Variants in TAFA2 observed in about 807,000 individuals in gnomAD.
The protein encoded by TAFA2 is chemokine-like protein TAFA-2.
In TAFA2, 7 loss-of-function variants were observed where a neutral mutation model predicts 18.8. That is an observed-to-expected ratio of 0.37 (90% CI 0.21 to 0.70). The LOEUF (loss-of-function observed/expected upper bound fraction) is 0.70, where lower values mean the gene tolerates loss of function less well. Ranked by LOEUF, TAFA2 falls within the 30% of genes least tolerant of loss-of-function variation. TAFA2 has a pLI of 0.53. For missense variants in TAFA2, 122 were observed against 158.1 expected (o/e 0.77, Z 1.23); for synonymous variants, 60 against 54.2 (o/e 1.11, Z -0.47).
chr12:61,743,475 C>A (rs922613503), intron 4 of TAFA2, among the ~76,000 whole-genome samples: 17 of 152,014 alleles, frequency 1.1e-4, no homozygotes, highest in African/African-American at 4.1e-4. Context: ...TGCTTTAATT[C>A]CCTGAGGTAA....
chr12:62,188,068 A>G (rs1402609256), intron 1 of TAFA2, among the ~76,000 whole-genome samples: 1 of 152,198 alleles, frequency 6.6e-6, no homozygotes, highest in African/African-American at 2.4e-5. Flanking sequence ...AAGTTGATGC[A>G]GCTGGTTTGG....
In TAFA2 at chr12:62,192,373, C is replaced by T. The variant is rs1268007812; in HGVS notation, c.-1116G>A. Reference sequence around the variant, plus strand: ...AAGCGAGCAGGTGTCGCCTGTGTCACTTTGCTAAAGGCGGGAGGGGAGAAA... The same window carrying T: ...AAGCGAGCAGGTGTCGCCTGTGTCATTTTGCTAAAGGCGGGAGGGGAGAAA... On this transcript the variant is annotated 5_prime_UTR_variant, in exon 1 of 5. In the 5' UTR this introduces an upstream ATG that the reference lacks. Coordinates refer to ENST00000416284, the MANE Select transcript of TAFA2 (RefSeq NM_178539.5). The T allele has an allele frequency of 6.6e-6, 1 of 152,114 alleles. No homozygotes were observed. 9.4% of individuals were successfully genotyped at this position (152,114 alleles called of 1,614,324 possible).
chr12:61,918,013 AT>A lies in TAFA2; in HGVS notation c.-1-50588del, dbSNP rs201629675. On this transcript the variant is annotated intron_variant, in intron 1 of 4. Transcript: ENST00000416284. ...TTGGGTATAAGAACCATGCTTATTT[AT>A]TTTTTTTTTCATTTGTCTGGGTACA... Among the ~76,000 whole-genome samples the A allele has an allele frequency of 3.2e-4, 48 of 148,738 alleles. No homozygotes were observed. In the South Asian group the frequency reaches 6.4e-3, roughly 20 times the overall value.
intron 1 of TAFA2, among the ~76,000 whole-genome samples, chr12:61,913,778 A>G (rs1265484983): frequency 6.6e-6 from 1 of 152,204 alleles, no homozygotes; most frequent in African/African-American, 2.4e-5. Context: ...CAAGAAGAAC[A>G]TATGCTTCAA....
At chr12:62,101,061 C>A (rs146138846) in intron 1 of TAFA2, among the ~76,000 whole-genome samples, 8 of 152,194 alleles carry the variant, frequency 5.3e-5, no homozygotes, top group Non-Finnish European at 1.0e-4. Flanking sequence ...TACACAAGCA[C>A]TCAGAATGCA....
At chr12:62,219,068 T>C (rs960325586) in intron 1 of TAFA2, among the ~76,000 whole-genome samples, 2 of 152,032 alleles carry the variant, frequency 1.3e-5, no homozygotes, top group African/African-American at 4.8e-5. Context: ...AGGGAGAATA[T>C]AGCAAAAGAA....
chr12:61,882,639 A>C (rs1457421549), intron 1 of TAFA2, among the ~76,000 whole-genome samples: 1 of 152,158 alleles, frequency 6.6e-6, no homozygotes, highest in African/African-American at 2.4e-5. Flanking sequence ...ATCGTCTTTC[A>C]AATGTCAAAT....
At chr12:62,029,700 G>T (rs2136743381) in intron 1 of TAFA2, among the ~76,000 whole-genome samples, 1 of 152,178 alleles carries the variant, frequency 6.6e-6, no homozygotes, top group Middle Eastern at 3.4e-3. Context: ...CACCTCATTA[G>T]TTAAGTACAG....
chr12:62,007,018 C>A (rs1381846136), intron 1 of TAFA2, among the ~76,000 whole-genome samples: 1 of 152,128 alleles, frequency 6.6e-6, no homozygotes, highest in African/African-American at 2.4e-5. Context: ...GCCTGTGAAG[C>A]ATGATTGAAG....
At chr12:62,189,244 C>T (rs2062606134) in intron 1 of TAFA2, among the ~76,000 whole-genome samples, 1 of 152,156 alleles carries the variant, frequency 6.6e-6, no homozygotes, top group Non-Finnish European at 1.5e-5. Context: ...CCATTTGCCT[C>T]TTAAAAGATT....
chr12:62,143,599 T>C (rs11612077), intron 1 of TAFA2, among the ~76,000 whole-genome samples: 18,497 of 152,160 alleles, frequency 0.12, 1,382 homozygotes, highest in Middle Eastern at 0.18. Flanking sequence ...GGTAGCTGGC[T>C]AGACCAATAC....
At position 61,798,402 on chromosome 12, in the gene TAFA2, C is replaced by T. The variant is rs116400373; in HGVS notation, c.107-43378G>A. 5.5e-3 allele frequency among the ~76,000 whole-genome samples: 832 copies of T among 152,166 alleles called. 10 individuals are homozygous for T. The highest frequency in any genetic ancestry group is 0.019 in the African/African-American group (786 of 41,522). On this transcript the variant is annotated intron_variant, in intron 2 of 4. Coordinates refer to ENST00000416284, the MANE Select transcript of TAFA2 (RefSeq NM_178539.5). Reference sequence around the variant, plus strand: ...TGCAGATTTGTTACATAGGTATATGCGTAAGTTACACATAAAATTTACCAT... The same window carrying T: ...TGCAGATTTGTTACATAGGTATATGTGTAAGTTACACATAAAATTTACCAT...
At chr12:61,811,658 G>T (rs987005160) in intron 2 of TAFA2, among the ~76,000 whole-genome samples, 1 of 151,182 alleles carries the variant, frequency 6.6e-6, no homozygotes, top group Non-Finnish European at 1.5e-5. Flanking sequence ...AGGTGAAAAG[G>T]GTCACTTTTA....
chr12:62,218,091 G>A (rs371957491), intron 1 of TAFA2, among the ~76,000 whole-genome samples: 1 of 151,844 alleles, frequency 6.6e-6, no homozygotes, highest in Non-Finnish European at 1.5e-5. Flanking sequence ...AGCCTCCTGG[G>A]CTCAATAGAT....
At chr12:62,170,588 C>T (rs2062470823) in intron 1 of TAFA2, among the ~76,000 whole-genome samples, 2 of 152,204 alleles carry the variant, frequency 1.3e-5, no homozygotes, top group African/African-American at 2.4e-5. Context: ...GAGGGACCAT[C>T]TAGATCTATT....
chr12:61,859,693 C>T (rs921631276), intron 2 of TAFA2, among the ~76,000 whole-genome samples: 5 of 152,124 alleles, frequency 3.3e-5, no homozygotes, highest in African/African-American at 4.8e-5. Context: ...CCGCCCGCCT[C>T]GGTCTCCCAA....
chr12:62,153,466 C>T (rs983854851), intron 1 of TAFA2, among the ~76,000 whole-genome samples: 47 of 151,992 alleles, frequency 3.1e-4, no homozygotes, highest in African/African-American at 1.1e-3. Flanking sequence ...AGTTTGAGAC[C>T]AGTCTGGGCA....
chr12:61,916,554 G>C (rs961735762), intron 1 of TAFA2, among the ~76,000 whole-genome samples: 3 of 152,134 alleles, frequency 2.0e-5, no homozygotes, highest in Admixed American at 6.5e-5. Context: ...CTTTGAAGTT[G>C]TTTAAAGTTT....
intron 1 of TAFA2, among the ~76,000 whole-genome samples, chr12:61,966,792 C>A (rs1879083008): frequency 6.6e-6 from 1 of 151,884 alleles, no homozygotes. Flanking sequence ...TGCAGCTATG[C>A]TAATACAAAT....
Sources: gnomAD v4.1 joint callset for allele counts (sites outside exome capture counted in the v4.1 genomes callset) on GRCh38, gnomAD v4.1.1 for gene constraint, MANE v1.5 for transcripts, NCBI Gene and HGNC (gene_info 2026-07-23, HGNC 2026-07-21) for gene names.